The following RASAL1 variants were observed in gnomAD, a reference collection of about 807,000 sequenced individuals.
The protein encoded by RASAL1 is rasGAP-activating-like protein 1.
In RASAL1, 72 loss-of-function variants were observed where a neutral mutation model predicts 96.6. The ratio of observed to expected loss-of-function variants is 0.75; its 90% CI spans 0.62 to 0.91. RASAL1 has a LOEUF of 0.91. RASAL1 is among the 40% of genes least tolerant of loss of function. The pLI is 0.00. For synonymous variants in RASAL1, 405 were observed against 430.4 expected (o/e 0.94, Z 0.73); for missense variants, 1,016 against 1,072.5 (o/e 0.95, Z 0.74).
At chr12:113,106,003 A>G (rs1442540790) in intron 15 of RASAL1, 117 bp from the exon 16 acceptor site, 1 of 1,104,528 alleles carries the variant, frequency 9.1e-7, no homozygotes, top group African/African-American at 1.6e-5. Context: ...CTGCTCCCCT[A>G]GAGGCAGGAG....
intron 1 of RASAL1, among the ~76,000 whole-genome samples, chr12:113,134,936 C>A (rs1405357644): frequency 1.3e-5 from 2 of 152,150 alleles, no homozygotes; most frequent in African/African-American, 4.8e-5. Flanking sequence ...CAGATCCACA[C>A]AGGATGTTAG....
At position 113,108,076 on chromosome 12, in the gene RASAL1, G is replaced by A; in HGVS notation, c.1512+9C>T. ...AGTACCTAGGATGGGGGAAACCCATGGCTGGCACCTTGGCAAGCAACAGCA... is the reference window on the plus strand; with the variant it reads ...AGTACCTAGGATGGGGGAAACCCATAGCTGGCACCTTGGCAAGCAACAGCA... On this transcript the variant is annotated intron_variant, in intron 14 of 20. Coordinates refer to ENST00000548055, the MANE Select transcript of RASAL1 (RefSeq NM_001301202.2). 1 of 1,607,278 alleles carries A rather than the reference G, an allele frequency of 6.2e-7. No homozygotes were observed. The highest frequency in any genetic ancestry group is 8.5e-7 in the Non-Finnish European group (1 of 1,177,006).
chr12:113,117,075 A>G lies in RASAL1; in HGVS notation c.729T>C (p.Ser243=). ...LLPFPRAEED[S]GGNLGALRVK... ...CCTCCCTCTGCACCCACATTTACCC[A>G]GAATCCTCCTCGGCTCTGGGAAAGG... Residue 243 remains serine (S), a splice_region_variant and synonymous_variant, in exon 8 of 21, where the codon TCT becomes TCC. Transcript: ENST00000548055. The G allele has an allele frequency of 6.3e-7, 1 of 1,598,526 alleles. No homozygotes were observed. Among genetic ancestry groups the G allele is most frequent in the South Asian group, 1.1e-5 (1 of 89,830 alleles).
intron 20 of RASAL1, 49 bp from the exon 21 acceptor site, chr12:113,100,117 C>T (rs1247716610): frequency 3.9e-6 from 6 of 1,521,096 alleles, no homozygotes; most frequent in Non-Finnish European, 5.3e-6. Flanking sequence ...CCAGGGCAGG[C>T]TGCTGTAACC....
intron 13 of RASAL1, among the ~76,000 whole-genome samples, chr12:113,110,568 T>C (rs1029617887): frequency 3.3e-4 from 51 of 152,352 alleles, no homozygotes; most frequent in African/African-American, 1.2e-3. Flanking sequence ...TTGTAATGCA[T>C]GACCCAAAGT....
chr12:113,133,245 G>A (rs1951784637), intron 1 of RASAL1, among the ~76,000 whole-genome samples: 2 of 152,188 alleles, frequency 1.3e-5, no homozygotes, highest in South Asian at 4.1e-4. Flanking sequence ...GGGGGTGGCT[G>A]CTTCCAGACC....
chr12:113,107,095 AC>A lies in RASAL1; in HGVS notation c.1657+1del, dbSNP rs1321917962. 6.2e-7 allele frequency: 1 copy of A among 1,609,238 alleles called. No homozygotes were observed. Among genetic ancestry groups the A allele is most frequent in the African/African-American group, 1.3e-5 (1 of 74,780 alleles). ...AGATGTGGCCGGACCACAGGAACTC[AC>A]CTTCATCCCCATCCACATCCACCAG... On this transcript the variant is annotated splice_donor_variant, in intron 15 of 20. Coordinates refer to ENST00000548055, the MANE Select transcript of RASAL1 (RefSeq NM_001301202.2). LOFTEE classifies it high-confidence loss of function.
chr12:113,133,997 C>T (rs1033633016), intron 1 of RASAL1, among the ~76,000 whole-genome samples: 1 of 152,206 alleles, frequency 6.6e-6, no homozygotes, highest in Non-Finnish European at 1.5e-5. Flanking sequence ...GGTGGAGGGG[C>T]CAGAGCTCAG....
Position 113,115,096 on chromosome 12 carries a change from G to C in RASAL1, c.1068+104C>G. 7.8e-7 allele frequency: 1 copy of C among 1,289,414 alleles called. No individual in the cohort carries two copies. The highest frequency in any genetic ancestry group is 1.1e-6 in the Non-Finnish European group (1 of 889,288). The allele number at this position is 1,289,414 out of a possible 1,614,324, so 79.9% of individuals were successfully genotyped here. ...CAGCCGCCAGCACTGCAGCTCGGCTGCTCAGTGCTGTCTGAAGCCAGCTAA... is the reference window on the plus strand; with the variant it reads ...CAGCCGCCAGCACTGCAGCTCGGCTCCTCAGTGCTGTCTGAAGCCAGCTAA... On this transcript the variant is annotated intron_variant, in intron 11 of 20. Coordinates refer to ENST00000548055, the MANE Select transcript of RASAL1 (RefSeq NM_001301202.2). The surrounding 1 kb of genome is among the most constrained non-coding windows in gnomAD (Gnocchi z 4.1).
chr12:113,126,282 C>T (rs1450591685), intron 4 of RASAL1, among the ~76,000 whole-genome samples: 3 of 151,974 alleles, frequency 2.0e-5, no homozygotes, highest in Admixed American at 2.0e-4. Flanking sequence ...AAGACTCCGT[C>T]TCAAAAATAA....
Position 113,121,503 on chromosome 12 carries a change from G to A in RASAL1, c.428+6C>T. ...ACCCTCCACACCACCTCCACCTTAA[G>A]CATACCTGGCCTGAAGCACATGGCA... is the stretch of plus-strand genomic sequence containing the variant. On this transcript the variant is annotated splice_donor_region_variant and intron_variant, in intron 5 of 20. Coordinates refer to ENST00000548055, the MANE Select transcript of RASAL1 (RefSeq NM_001301202.2). 1.2e-6 allele frequency: 2 copies of A among 1,614,100 alleles called. No individual in the cohort carries two copies. Among genetic ancestry groups the A allele is most frequent in the South Asian group, 2.2e-5 (2 of 91,078 alleles).
intron 16 of RASAL1, 41 bp from the exon 17 acceptor site, chr12:113,104,339 A>C: frequency 2.1e-6 from 3 of 1,454,434 alleles, no homozygotes; most frequent in Non-Finnish European, 2.8e-6. Context: ...GCTGGGGGCT[A>C]GGGCCGGGGT....
rs35505918 is a variant in RASAL1, at chr12:113,115,656, G to A, written c.982C>T (p.Arg328Trp). The change falls in exon 10 of 21, where the codon CGG becomes TGG. Residue 328 changes from arginine to tryptophan, a missense_variant. Arg to Trp is a moderately radical substitution (Grantham distance 101, BLOSUM62 -3). Coordinates refer to ENST00000548055, the MANE Select transcript of RASAL1 (RefSeq NM_001301202.2). This position sits in a 1 kb window ranked among gnomAD's most constrained non-coding sequence, Gnocchi z 4.1. ...TCACTGGTCCGAGCCACCTCACGCC[G>A]GGTGAGATAGTCCAGAAAGCGCCCA... is the stretch of plus-strand genomic sequence containing the variant. The part of the protein sequence containing the change: ...LAGRFLDYLT[R>W]REVARTMDPN... The A allele has an allele frequency of 1.8e-3, 2,884 of 1,613,630 alleles. 5 individuals carry two copies. The highest frequency in any genetic ancestry group is 2.1e-3 in the Non-Finnish European group (2,503 of 1,180,014).
intron 18 of RASAL1, among the ~76,000 whole-genome samples, chr12:113,102,360 C>A (rs1950479434): frequency 6.6e-6 from 1 of 152,160 alleles, no homozygotes; most frequent in Admixed American, 6.5e-5. Flanking sequence ...GAGTTTCAGA[C>A]CAGCCTGGCC....
intron 5 of RASAL1, among the ~76,000 whole-genome samples, chr12:113,120,739 C>G (rs1400020917): frequency 1.3e-5 from 2 of 152,126 alleles, no homozygotes; most frequent in Non-Finnish European, 2.9e-5. Context: ...AGAGGGCCAC[C>G]TGTGGGTTTT....
At chr12:113,109,039 GT>G (rs1566043793) in intron 13 of RASAL1, among the ~76,000 whole-genome samples, 18 of 48,936 alleles carry the variant, frequency 3.7e-4, no homozygotes, top group African/African-American at 1.5e-3. Context: ...GTTTTTTTGT[GT>G]GTGTTTTTTT....
intron 5 of RASAL1, among the ~76,000 whole-genome samples, chr12:113,120,900 T>G (rs974103869): frequency 1.3e-5 from 2 of 152,116 alleles, no homozygotes; most frequent in African/African-American, 2.4e-5. Flanking sequence ...CATTATTCAG[T>G]GTAATTGGTT....
chr12:113,129,364 G>T lies in RASAL1; in HGVS notation c.123-1186C>A, dbSNP rs146208169. ...GCCCTGTAGCAGGAATGAGTTTCGT[G>T]AGCTGAAGGAATAGGAAGGTGCCTG... is the stretch of plus-strand genomic sequence containing the variant. On this transcript the variant is annotated intron_variant, in intron 2 of 20. Transcript: ENST00000548055. The surrounding 1 kb of genome is among the most constrained non-coding windows in gnomAD (Gnocchi z 5.0). Among the ~76,000 whole-genome samples, 410 of 152,320 alleles carry T rather than the reference G, an allele frequency of 2.7e-3. 4 individuals carry two copies. The highest frequency in any genetic ancestry group is 1.6e-3 in the Non-Finnish European group (111 of 68,028).
intron 16 of RASAL1, among the ~76,000 whole-genome samples, chr12:113,105,131 T>C (rs1310192567): frequency 1.3e-5 from 2 of 152,228 alleles, no homozygotes; most frequent in African/African-American, 2.4e-5. Flanking sequence ...CATCATCTAC[T>C]GGTGTGCACA....
Sources: allele counts gnomAD v4.1 joint callset (sites outside exome capture counted in the v4.1 genomes callset), GRCh38; gene constraint gnomAD v4.1.1; non-coding constraint Gnocchi (gnomAD v3.1); transcripts MANE v1.5; gene names NCBI Gene and HGNC (gene_info 2026-07-23, HGNC 2026-07-21).